DENND2A: variants seen among roughly 807,000 people sequenced by gnomAD.
DENND2A encodes DENN domain-containing protein 2A.
In DENND2A, 53 loss-of-function variants were observed where a neutral mutation model predicts 105.3. The observed-to-expected ratio is 0.50, with a 90% CI of 0.40 to 0.63. DENND2A has a LOEUF of 0.63. Among genes scored for constraint, DENND2A ranks in the 30% least tolerant of loss-of-function variants. The pLI, the probability that DENND2A is intolerant of heterozygous loss-of-function variation, is 0.00. For synonymous variants in DENND2A, 522 were observed against 508.4 expected (o/e 1.03, Z -0.36); for missense variants, 1,138 against 1,279.6 (o/e 0.89, Z 1.69).
chr7:140,587,184 G>A (rs960155377), intron 4 of DENND2A, among the ~76,000 whole-genome samples: 2 of 152,226 alleles, frequency 1.3e-5, no homozygotes, highest in African/African-American at 4.8e-5. Flanking sequence ...AATCCCTGCA[G>A]TTGACTGAGC....
intron 1 of DENND2A, among the ~76,000 whole-genome samples, chr7:140,609,144 A>T (rs1467849719): frequency 1.3e-5 from 2 of 152,204 alleles, no homozygotes; most frequent in African/African-American, 4.8e-5. Flanking sequence ...ATTGATAGTA[A>T]TAACACATTT....
Position 140,523,463 on chromosome 7 carries a change from T to A in DENND2A, c.2548-39A>T. ...GTAGCAGGTGGGCTTATGGGCACGG[T>A]GGCTGCGTCTTGGCCATAGGACACA... On this transcript the variant is annotated intron_variant, in intron 16 of 19. Transcript: ENST00000496613. This position sits in a 1 kb window ranked among gnomAD's most constrained non-coding sequence, Gnocchi z 4.5. 6.3e-7 allele frequency: 1 copy of A among 1,586,586 alleles called. No individual in the cohort carries two copies. Among genetic ancestry groups the A allele is most frequent in the East Asian group, 2.2e-5 (1 of 44,722 alleles).
At chr7:140,566,684 AT>A (rs3043058) in intron 9 of DENND2A, among the ~76,000 whole-genome samples, 127 of 113,212 alleles carry the variant, frequency 1.1e-3, no homozygotes, top group Middle Eastern at 5.4e-3. Flanking sequence ...TGGCCATACT[AT>A]TTTTTTTTTT....
Position 140,559,588 on chromosome 7 carries a change from GGCCAGGCCCAT to G in DENND2A, c.1889+109_1889+119del. ...AAAACACCCCTTGGGGAAAGCTCTAGGCCAGGCCCATCAGGATTACTTAACGGTGGGAATGA... is the reference window on the plus strand; with the variant it reads ...AAAACACCCCTTGGGGAAAGCTCTAGCAGGATTACTTAACGGTGGGAATGA... On this transcript the variant is annotated intron_variant, in intron 10 of 19. Transcript: ENST00000496613. The surrounding 1 kb of genome is among the most constrained non-coding windows in gnomAD (Gnocchi z 4.1). The G allele has an allele frequency of 1.4e-6, 1 of 731,786 alleles. No individual in the cohort carries two copies. The highest frequency in any genetic ancestry group is 2.3e-6 in the Non-Finnish European group (1 of 432,246). 45.3% of individuals were successfully genotyped at this position (731,786 alleles called of 1,614,324 possible). A position where few individuals can be genotyped will look rare whatever the true frequency, so the allele number is the denominator to read the frequency against.
chr7:140,610,687 T>A (rs1799863008), intron 1 of DENND2A, among the ~76,000 whole-genome samples: 1 of 152,152 alleles, frequency 6.6e-6, no homozygotes, highest in Admixed American at 6.5e-5. Flanking sequence ...AAAACAGATA[T>A]AAAGTGTTTT....
At chr7:140,625,511 C>T (rs1450845786) in intron 1 of DENND2A, among the ~76,000 whole-genome samples, 1 of 152,062 alleles carries the variant, frequency 6.6e-6, no homozygotes, top group Admixed American at 6.5e-5. Context: ...GAAACCCTGT[C>T]TCTATTAAAA....
chr7:140,602,525 G>A lies in DENND2A; in HGVS notation c.-128C>T, dbSNP rs1799553624. 3 of 988,274 alleles carry A rather than the reference G, an allele frequency of 3.0e-6. No homozygotes were observed. In the African/African-American group the frequency reaches 4.9e-5, roughly 16 times the overall value. 61.2% of individuals were successfully genotyped at this position (988,274 alleles called of 1,614,324 possible). On this transcript the variant is annotated 5_prime_UTR_variant, in exon 3 of 20. Coordinates refer to ENST00000496613, the MANE Select transcript of DENND2A (RefSeq NM_015689.5). ...CCTTCGAGGGTCTTTCTCAGTCCTT[G>A]GACCTTCCACCTTGACCCTGCACAA... is the stretch of plus-strand genomic sequence containing the variant.
intron 1 of DENND2A, among the ~76,000 whole-genome samples, chr7:140,639,794 C>T (rs1801116084): frequency 6.6e-6 from 1 of 152,148 alleles, no homozygotes; most frequent in African/African-American, 2.4e-5. Flanking sequence ...GCCCAATTTA[C>T]GCCCCTGGAG....
chr7:140,601,519 T>C lies in DENND2A; in HGVS notation c.879A>G (p.Lys293=). The C allele has an allele frequency of 6.2e-7, 1 of 1,614,124 alleles. No homozygotes were observed. The highest frequency in any genetic ancestry group is 1.1e-5 in the South Asian group (1 of 91,082). Residue 293 remains lysine (K), a synonymous_variant, in exon 3 of 20, where the codon AAA becomes AAG. Transcript: ENST00000496613. The part of the protein sequence containing the change: ...GKPGIGFRKE[K]RNLPPLPSLP... The stretch of plus-strand genomic sequence containing the variant: ...GAGAGGGCAGAGGAGGCAGATTTCT[T>C]TTCTCTTTCCTGAAGCCGATGCCAG...
At chr7:140,538,022 T>A (rs984253631) in intron 14 of DENND2A, among the ~76,000 whole-genome samples, 2 of 152,222 alleles carry the variant, frequency 1.3e-5, no homozygotes, top group African/African-American at 4.8e-5. Flanking sequence ...TTCCTTTCCA[T>A]CTGTCAAACT....
chr7:140,630,367 G>A (rs1017755520), intron 1 of DENND2A, among the ~76,000 whole-genome samples: 53 of 152,132 alleles, frequency 3.5e-4, no homozygotes, highest in Admixed American at 2.0e-4. Flanking sequence ...TAGACAGGGA[G>A]TTCTAGTGGC....
intron 1 of DENND2A, among the ~76,000 whole-genome samples, chr7:140,638,540 C>T (rs901867876): frequency 2.0e-5 from 3 of 152,114 alleles, no homozygotes; most frequent in Non-Finnish European, 4.4e-5. Context: ...CTAGAAGGAG[C>T]GCATCACTCC....
At chr7:140,569,600 C>G (rs1178431567) in intron 7 of DENND2A, 45 bp downstream of exon 7, 1 of 1,355,138 alleles carries the variant, frequency 7.4e-7, no homozygotes, top group Non-Finnish European at 1.1e-6. Context: ...GAAAGAATCT[C>G]TTTTCCGATT....
At chr7:140,564,707 AC>A (rs1320186824) in intron 9 of DENND2A, among the ~76,000 whole-genome samples, 1 of 152,244 alleles carries the variant, frequency 6.6e-6, no homozygotes, top group Non-Finnish European at 1.5e-5. Context: ...CAGGCTGGAA[AC>A]AATAATCATT....
intron 11 of DENND2A, among the ~76,000 whole-genome samples, chr7:140,556,174 C>T (rs1396057447): frequency 6.6e-6 from 1 of 151,976 alleles, no homozygotes; most frequent in Non-Finnish European, 1.5e-5. Flanking sequence ...CACACCACCA[C>T]GCCCCACTAA....
intron 9 of DENND2A, among the ~76,000 whole-genome samples, chr7:140,561,086 G>C (rs1395213548): frequency 6.6e-6 from 1 of 152,104 alleles, no homozygotes; most frequent in Middle Eastern, 3.2e-3. Context: ...GTGTTGCCCA[G>C]GCTGGACTTG....
At chr7:140,639,218 G>C (rs1021688572) in intron 1 of DENND2A, among the ~76,000 whole-genome samples, 44 of 152,044 alleles carry the variant, frequency 2.9e-4, no homozygotes, top group African/African-American at 1.0e-3. Context: ...TGGGTGTGGT[G>C]GTGGGCGCCT....
intron 13 of DENND2A, among the ~76,000 whole-genome samples, chr7:140,545,637 G>A (rs1405532496): frequency 6.6e-6 from 1 of 152,182 alleles, no homozygotes; most frequent in African/African-American, 2.4e-5. Flanking sequence ...GGCATGCTGG[G>A]ATTACAGGTG....
chr7:140,612,353 G>A lies in DENND2A; in HGVS notation c.-247-6547C>T, dbSNP rs143930668. Among the ~76,000 whole-genome samples the A allele has an allele frequency of 3.9e-4, 60 of 152,122 alleles. 2 individuals carry two copies. In the East Asian group the frequency reaches 0.011, roughly 29 times the overall value. The stretch of plus-strand genomic sequence containing the variant: ...TCCGTGAAAAAAATAAGATATATGC[G>A]CAGGGGAAGAGGTGGAGTGAGGAAT... On this transcript the variant is annotated intron_variant, in intron 1 of 19. Transcript: ENST00000496613.
Sources: gnomAD v4.1 joint callset for allele counts (sites outside exome capture counted in the v4.1 genomes callset) on GRCh38, gnomAD v4.1.1 for gene constraint, Gnocchi (gnomAD v3.1) non-coding constraint, MANE v1.5 for transcripts, NCBI Gene and HGNC (gene_info 2026-07-23, HGNC 2026-07-21) for gene names.